The following RASA1 variants were observed in gnomAD, a reference collection of about 807,000 sequenced individuals.
RASA1 encodes the protein ras GTPase-activating protein 1.
RASA1 carries 25 observed loss-of-function variants against 132.2 expected under a neutral mutation model. The observed-to-expected ratio is 0.19, with a 90% confidence interval of 0.14 to 0.26. The LOEUF (loss-of-function observed/expected upper bound fraction) is 0.26, where lower values mean the gene tolerates loss of function less well. Ranked by LOEUF, RASA1 falls within the 10% of genes least tolerant of loss-of-function variation. RASA1 has a pLI of 1.00. For synonymous variants in RASA1, 477 were observed against 449.9 expected (o/e 1.06, Z -0.76); for missense variants, 964 against 1,299.2 (o/e 0.74, Z 3.97).
Position 87,391,675 on chromosome 5 carries a change from A to G in RASA1, c.*792A>G, listed in dbSNP as rs754959919. ...CCATTCAACCATTTTATAGACTACCAATTTCTTTTATGTTAACTAGAATGC... is the reference window on the plus strand; with the variant it reads ...CCATTCAACCATTTTATAGACTACCGATTTCTTTTATGTTAACTAGAATGC... On this transcript the variant is annotated 3_prime_UTR_variant, in exon 25 of 25. Coordinates refer to ENST00000274376, the MANE Select transcript of RASA1 (RefSeq NM_002890.3). 1 of 232,866 alleles carries G rather than the reference A, an allele frequency of 4.3e-6. No individual in the cohort carries two copies. Among genetic ancestry groups the G allele is most frequent in the Non-Finnish European group, 8.5e-6 (1 of 117,704 alleles). The allele number at this position is 232,866 out of a possible 1,614,324, so 14.4% of individuals were successfully genotyped here.
At chr5:87,380,626 C>T (rs1435370428) in intron 20 of RASA1, 31 bp downstream of exon 20, 1 of 1,509,396 alleles carries the variant, frequency 6.6e-7, no homozygotes, top group Non-Finnish European at 9.2e-7. Context: ...TGTTAAATCA[C>T]ATACTAATAG....
chr5:87,348,817 G>A (rs1335313223), intron 7 of RASA1, among the ~76,000 whole-genome samples: 1 of 151,872 alleles, frequency 6.6e-6, no homozygotes, highest in African/African-American at 2.4e-5. Context: ...GTATTCTTAA[G>A]CAAACTGGTC....
intron 7 of RASA1, among the ~76,000 whole-genome samples, chr5:87,348,580 T>C (rs1759027990): frequency 1.3e-5 from 2 of 152,020 alleles, no homozygotes; most frequent in African/African-American, 2.4e-5. Flanking sequence ...ATTTCAGTTG[T>C]TTTGAATCTA....
chr5:87,384,500 A>G (rs140438134), intron 21 of RASA1, among the ~76,000 whole-genome samples: 4 of 152,296 alleles, frequency 2.6e-5, no homozygotes, highest in Admixed American at 6.5e-5. Flanking sequence ...TTTTACTTCT[A>G]TATAGCCATC....
intron 15 of RASA1, among the ~76,000 whole-genome samples, chr5:87,375,431 T>G (rs1761260806): frequency 6.6e-6 from 1 of 152,082 alleles, no homozygotes. Flanking sequence ...TGGCTAAGTT[T>G]TGTATTTTTA....
Position 87,379,726 on chromosome 5 carries a change from T to C in RASA1, c.2488-9T>C. On this transcript the variant is annotated splice_polypyrimidine_tract_variant and intron_variant, in intron 18 of 24. Transcript: ENST00000274376. ...ACATGCATTTATATTGATTTATTCCTTCTTTTAGTTAAGTCCATCAAAGTT... is the reference window on the plus strand; with the variant it reads ...ACATGCATTTATATTGATTTATTCCCTCTTTTAGTTAAGTCCATCAAAGTT... 6.2e-7 allele frequency: 1 copy of C among 1,611,334 alleles called. No homozygotes were observed.
At chr5:87,348,191 T>C (rs1007859718) in intron 7 of RASA1, among the ~76,000 whole-genome samples, 1 of 152,104 alleles carries the variant, frequency 6.6e-6, no homozygotes, top group Non-Finnish European at 1.5e-5. Flanking sequence ...ACTTATGTAT[T>C]AAGCCTTGAA....
At chr5:87,304,234 C>A (rs1327259961) in intron 1 of RASA1, among the ~76,000 whole-genome samples, 14 of 152,128 alleles carry the variant, frequency 9.2e-5, no homozygotes, top group Non-Finnish European at 5.9e-5. Context: ...TTCAACATTT[C>A]TGTATTCTTA....
At chr5:87,287,441 T>C (rs577243352) in intron 1 of RASA1, among the ~76,000 whole-genome samples, 14 of 145,112 alleles carry the variant, frequency 9.6e-5, no homozygotes, top group African/African-American at 2.5e-4. Flanking sequence ...ACCATATATA[T>C]ACACCATATA....
chr5:87,352,177 TTC>T (rs1211470355), intron 8 of RASA1, among the ~76,000 whole-genome samples: 2 of 151,772 alleles, frequency 1.3e-5, no homozygotes, highest in Non-Finnish European at 1.5e-5. Flanking sequence ...TAAATGCTGC[TTC>T]TGGTATTAAG....
chr5:87,307,386 G>A (rs1220184454), intron 1 of RASA1, among the ~76,000 whole-genome samples: 1 of 151,984 alleles, frequency 6.6e-6, no homozygotes, highest in South Asian at 2.1e-4. Flanking sequence ...GCGTCAACCC[G>A]GGAGGCGGAG....
chr5:87,332,492 T>G lies in RASA1; in HGVS notation c.693-15T>G. 6.2e-7 allele frequency: 1 copy of G among 1,601,218 alleles called. No individual in the cohort carries two copies. The highest frequency in any genetic ancestry group is 8.5e-7 in the Non-Finnish European group (1 of 1,169,766). Reference sequence around the variant, plus strand: ...TAAAGATTTTTTTATACTGTATTTTTTCCTGTTCAAATAGGATTATTGCTA... The same window carrying G: ...TAAAGATTTTTTTATACTGTATTTTGTCCTGTTCAAATAGGATTATTGCTA... On this transcript the variant is annotated splice_polypyrimidine_tract_variant and intron_variant, in intron 2 of 24. Transcript: ENST00000274376.
Position 87,316,615 on chromosome 5 carries a change from G to C in RASA1, c.540-14733G>C, listed in dbSNP as rs73156360. On this transcript the variant is annotated intron_variant, in intron 1 of 24. Coordinates refer to ENST00000274376, the MANE Select transcript of RASA1 (RefSeq NM_002890.3). ...ACAGAGACTTGAGGATTGAGAACAT[G>C]GAGAGTGGGAGTAAGGAAGTTGCAT... Among the ~76,000 whole-genome samples the C allele has an allele frequency of 1.7e-3, 259 of 152,276 alleles. 1 individual carries two copies. Among genetic ancestry groups the C allele is most frequent in the Middle Eastern group, 0.017 (5 of 294 alleles).
chr5:87,293,250 A>ATT (rs1164236637), intron 1 of RASA1, among the ~76,000 whole-genome samples: 2 of 143,610 alleles, frequency 1.4e-5, no homozygotes, highest in African/African-American at 5.1e-5. Context: ...TTTTTGGTAG[A>ATT]TTTTTTTTTT....
chr5:87,278,734 G>C (rs1356203401), intron 1 of RASA1, among the ~76,000 whole-genome samples: 1 of 152,086 alleles, frequency 6.6e-6, no homozygotes, highest in East Asian at 1.9e-4. Flanking sequence ...ATGTATGTGT[G>C]TGTGATATAT....
intron 5 of RASA1, among the ~76,000 whole-genome samples, chr5:87,338,692 C>CT (rs1218469210): frequency 4.0e-5 from 6 of 150,084 alleles, no homozygotes; most frequent in East Asian, 1.9e-4. Flanking sequence ...TATTTTTGTT[C>CT]TTTTTTTTGC....
intron 1 of RASA1, among the ~76,000 whole-genome samples, chr5:87,291,607 T>A (rs760770071): frequency 6.6e-6 from 1 of 152,138 alleles, no homozygotes; most frequent in Non-Finnish European, 1.5e-5. Flanking sequence ...GGGGTTTGGG[T>A]CATGGGGGAG....
chr5:87,345,858 G>A (rs1212383826), intron 6 of RASA1, among the ~76,000 whole-genome samples: 4 of 152,054 alleles, frequency 2.6e-5, no homozygotes, highest in African/African-American at 4.8e-5. Context: ...ATAGGTGATC[G>A]GGAATTGTCA....
chr5:87,353,304 T>G (rs1759417195), intron 9 of RASA1, 69 bp downstream of exon 9: 7 of 1,228,492 alleles, frequency 5.7e-6, no homozygotes, highest in Non-Finnish European at 8.4e-6. Context: ...GGTATGTTTT[T>G]GCACACATTT....
Sources: allele counts gnomAD v4.1 joint callset (sites outside exome capture counted in the v4.1 genomes callset), GRCh38; gene constraint gnomAD v4.1.1; transcripts MANE v1.5; gene names NCBI Gene and HGNC (gene_info 2026-07-23, HGNC 2026-07-21).